The following SLC3A1 variants were observed in gnomAD, a reference collection of about 807,000 sequenced individuals.
SLC3A1 encodes amino acid transporter heavy chain SLC3A1.
A neutral mutation model predicts 60.3 loss-of-function variants in SLC3A1; 78 were observed. The ratio of observed to expected loss-of-function variants is 1.29; its 90% CI spans 1.08 to 1.56. The LOEUF (loss-of-function observed/expected upper bound fraction) is 1.56. Ranked by LOEUF, SLC3A1 falls within the 40% of genes most tolerant of loss-of-function variation. SLC3A1 has a pLI of 0.00. For missense variants in SLC3A1, 1,172 were observed against 858.9 expected (o/e 1.36, Z -4.56); for synonymous variants, 392 against 307.9 (o/e 1.27, Z -2.86).
At chr2:44,312,445 C>T in intron 7 of SLC3A1, 141 bp from the exon 8 acceptor site, 1 of 816,788 alleles carries the variant, frequency 1.2e-6, no homozygotes, top group Middle Eastern at 2.5e-4. Flanking sequence ...AATAGCAGGC[C>T]TAGGACTCAA....
In SLC3A1 at chr2:44,301,139, C is replaced by T; in HGVS notation, c.1136+12C>T. On this transcript the variant is annotated intron_variant, in intron 6 of 9. Coordinates refer to ENST00000260649, the MANE Select transcript of SLC3A1 (RefSeq NM_000341.4). Reference sequence around the variant, plus strand: ...CCCGGCAGATACAGGTTGACCACGGCATATGCTCTCATTTCTTCCCAGGCT... The same window carrying T: ...CCCGGCAGATACAGGTTGACCACGGTATATGCTCTCATTTCTTCCCAGGCT... The T allele has an allele frequency of 6.2e-7, 1 of 1,614,146 alleles. No individual in the cohort carries two copies. Among genetic ancestry groups the T allele is most frequent in the Non-Finnish European group, 8.5e-7 (1 of 1,179,992 alleles).
intron 9 of SLC3A1, chr2:44,318,882 C>CT (rs779661945): frequency 6.6e-6 from 1 of 152,134 alleles, no homozygotes; most frequent in East Asian, 1.9e-4. Flanking sequence ...GACTACGCAT[C>CT]TAACAGCTTC....
At chr2:44,281,364 T>C (rs780518206) in intron 2 of SLC3A1, 23 bp from the exon 3 acceptor site, 1 of 1,595,470 alleles carries the variant, frequency 6.3e-7, no homozygotes, top group Non-Finnish European at 8.6e-7. Flanking sequence ...TCCCTAGCAT[T>C]TGAAATGTCT....
At chr2:44,305,503 C>A (rs1415178416) in intron 7 of SLC3A1, among the ~76,000 whole-genome samples, 3 of 148,584 alleles carry the variant, frequency 2.0e-5, no homozygotes, top group Non-Finnish European at 3.0e-5. Context: ...TCTTGGCTTA[C>A]TGCAACCTCC....
At chr2:44,302,406 T>A (rs376217653) in intron 6 of SLC3A1, among the ~76,000 whole-genome samples, 25 of 152,298 alleles carry the variant, frequency 1.6e-4, no homozygotes, top group African/African-American at 6.0e-4. Flanking sequence ...CTCAACAGAA[T>A]CAATAGGAAG....
chr2:44,304,661 G>A (rs1243998898), intron 7 of SLC3A1, among the ~76,000 whole-genome samples: 2 of 152,056 alleles, frequency 1.3e-5, no homozygotes, highest in Non-Finnish European at 2.9e-5. Flanking sequence ...AGAGGATTTC[G>A]GGTGTAGAAG....
intron 1 of SLC3A1, among the ~76,000 whole-genome samples, chr2:44,279,123 C>T (rs959530142): frequency 4.0e-5 from 6 of 151,890 alleles, no homozygotes; most frequent in African/African-American, 9.7e-5. Context: ...CTCAGCCTCC[C>T]GAGTAGCTGG....
intron 4 of SLC3A1, among the ~76,000 whole-genome samples, chr2:44,298,237 C>T (rs1671905650): frequency 6.6e-6 from 1 of 152,128 alleles, no homozygotes; most frequent in Non-Finnish European, 1.5e-5. Context: ...AAAATCCCTC[C>T]AGGGGTTTCC....
At chr2:44,319,936 G>A in intron 9 of SLC3A1, 1 of 402,114 alleles carries the variant, frequency 2.5e-6, no homozygotes, top group Non-Finnish European at 4.5e-6. Flanking sequence ...AGTCAAATTT[G>A]ATCTCTACAG....
chr2:44,317,591 A>ACATTGAGAAACATTATTTT (rs1672529971), intron 9 of SLC3A1: 1 of 152,506 alleles, frequency 6.6e-6, no homozygotes, highest in Admixed American at 6.5e-5. Context: ...ATTGTTCTAG[A>ACATTGAGAAACATTATTTT]CATTGAGAAA....
rs1203066145 is a variant in SLC3A1 at position 44,320,744 on chromosome 2, C to A, written c.*105C>A. ...GCTTGGTGAACAATCATTAATTCTT[C>A]GATATTTCTGTAGCTTGAATGTAAC... On this transcript the variant is annotated 3_prime_UTR_variant, in exon 10 of 10. Coordinates refer to ENST00000260649, the MANE Select transcript of SLC3A1 (RefSeq NM_000341.4). 2 of 910,310 alleles carry A rather than the reference C, an allele frequency of 2.2e-6. No homozygotes were observed. Among genetic ancestry groups the A allele is most frequent in the Non-Finnish European group, 3.6e-6 (2 of 557,002 alleles). The allele number at this position is 910,310 out of a possible 1,614,324, so 56.4% of individuals were successfully genotyped here.
In SLC3A1 at chr2:44,286,064, T is replaced by G. The variant is rs777667942; in HGVS notation, c.798T>G (p.Phe266Leu). ...TGTATGGAAACTCCAGTTGGCACTTTGACGAAGTGCGAAACCAATGTTATT... is the reference window on the plus strand; with the variant it reads ...TGTATGGAAACTCCAGTTGGCACTTGGACGAAGTGCGAAACCAATGTTATT... ...LSVYGNSSWH[F>L]DEVRNQCYFH... Residue 266 changes from phenylalanine to leucine, a missense_variant, in exon 4 of 10, where the codon TTT becomes TTG. Coordinates refer to ENST00000260649, the MANE Select transcript of SLC3A1 (RefSeq NM_000341.4). The G allele has an allele frequency of 2.5e-6, 4 of 1,613,814 alleles. No homozygotes were observed. Among genetic ancestry groups the G allele is most frequent in the South Asian group, 2.2e-5 (2 of 91,080 alleles).
At chr2:44,313,382 C>T (rs1039570077) in intron 8 of SLC3A1, among the ~76,000 whole-genome samples, 2 of 151,970 alleles carry the variant, frequency 1.3e-5, no homozygotes, top group Non-Finnish European at 2.9e-5. Context: ...AGCTTTTTTC[C>T]CTCTATCAGC....
chr2:44,284,842 GGCATGA>G (rs1313803496), intron 3 of SLC3A1, among the ~76,000 whole-genome samples: 3 of 152,032 alleles, frequency 2.0e-5, no homozygotes, highest in African/African-American at 7.2e-5. Flanking sequence ...TGTGATTACT[GGCATGA>G]GCTACCATGC....
chr2:44,295,993 T>G (rs1325490501), intron 4 of SLC3A1, among the ~76,000 whole-genome samples: 2 of 152,164 alleles, frequency 1.3e-5, no homozygotes, highest in Non-Finnish European at 2.9e-5. Flanking sequence ...AAGTTGGTAT[T>G]TACTTAAAAT....
At chr2:44,297,548 G>C (rs1170864314) in intron 4 of SLC3A1, among the ~76,000 whole-genome samples, 1 of 152,242 alleles carries the variant, frequency 6.6e-6, no homozygotes, top group East Asian at 1.9e-4. Flanking sequence ...CCTGTAGGCA[G>C]AGGTGTCTCC....
At chr2:44,304,469 T>A (rs1672101690) in intron 7 of SLC3A1, 131 bp downstream of exon 7, 1 of 748,060 alleles carries the variant, frequency 1.3e-6, no homozygotes, top group Non-Finnish European at 2.4e-6. Context: ...TGTTCAGTGG[T>A]CAGGCCTGTC....
intron 1 of SLC3A1, among the ~76,000 whole-genome samples, chr2:44,277,358 T>A (rs1671372786): frequency 1.3e-5 from 2 of 152,082 alleles, no homozygotes; most frequent in African/African-American, 4.8e-5. Flanking sequence ...TTGCCCCCCC[T>A]TGGCCTCCCA....
At chr2:44,287,260 C>G (rs1389879423) in intron 4 of SLC3A1, among the ~76,000 whole-genome samples, 1 of 151,984 alleles carries the variant, frequency 6.6e-6, no homozygotes, top group African/African-American at 2.4e-5. Flanking sequence ...AGTGGCTCTT[C>G]TATATAAAGT....
Sources: gnomAD v4.1 joint callset for allele counts (sites outside exome capture counted in the v4.1 genomes callset) on GRCh38, gnomAD v4.1.1 for gene constraint, MANE v1.5 for transcripts, NCBI Gene and HGNC (gene_info 2026-07-23, HGNC 2026-07-21) for gene names.